The following CPQ variants were observed in gnomAD, a reference collection of about 807,000 sequenced individuals.
The protein encoded by CPQ is Ser-Met dipeptidase.
Under a neutral mutation model 45.7 loss-of-function variants are expected in CPQ, and 37 were observed. The ratio of observed to expected loss-of-function variants is 0.81; its 90% confidence interval spans 0.62 to 1.07. The LOEUF (loss-of-function observed/expected upper bound fraction) is 1.07. CPQ is among the 50% of genes least tolerant of loss of function. The pLI is 0.00. For missense variants in CPQ, 537 were observed against 572.9 expected (o/e 0.94, Z 0.64); for synonymous variants, 186 against 205.8 (o/e 0.90, Z 0.82).
At position 96,785,298 on chromosome 8, in the gene CPQ, G is replaced by T; in HGVS notation, c.401G>T (p.Gly134Val). ...AGAATTCATAAGATAGCCATCCTGG[G>T]TCTTGGCAGCAGCATTGGGACTCCT... ...EPRIHKIAIL[G>V]LGSSIGTPPE... The change falls in exon 2 of 8, where the codon GGT becomes GTT. Residue 134 changes from glycine to valine, a missense_variant. Physicochemically the swap from Gly to Val is moderately radical, Grantham distance 109. Coordinates refer to ENST00000220763, the MANE Select transcript of CPQ (RefSeq NM_016134.4). The T allele has an allele frequency of 6.2e-7, 1 of 1,611,144 alleles. No individual in the cohort carries two copies.
intron 2 of CPQ, among the ~76,000 whole-genome samples, chr8:96,831,465 A>G (rs1050962733): frequency 6.6e-6 from 1 of 152,144 alleles, no homozygotes; most frequent in Admixed American, 6.6e-5. Flanking sequence ...TTCATGAACT[A>G]TCTTTTGGAA....
intron 4 of CPQ, among the ~76,000 whole-genome samples, chr8:96,885,230 G>A (rs748692924): frequency 1.3e-5 from 2 of 152,090 alleles, no homozygotes; most frequent in Non-Finnish European, 2.9e-5. Context: ...AGAGCAGGAG[G>A]GGACCAAACT....
At chr8:97,005,618 T>C (rs968957910) in intron 5 of CPQ, among the ~76,000 whole-genome samples, 2 of 152,100 alleles carry the variant, frequency 1.3e-5, no homozygotes, top group Admixed American at 6.5e-5. Context: ...TACACTAACA[T>C]TTAAGAGCGT....
At chr8:96,862,284 TTGTGTGTGTGTGTGTGTG>T (rs34611818) in intron 3 of CPQ, among the ~76,000 whole-genome samples, 131 of 141,194 alleles carry the variant, frequency 9.3e-4, no homozygotes, top group African/African-American at 3.3e-3. Context: ...ATTTTTGCAT[TTGTGTGTGTGTGTGTGTG>T]TGTGTGTGTG....
intron 4 of CPQ, among the ~76,000 whole-genome samples, chr8:96,922,782 A>G (rs907757553): frequency 1.3e-5 from 2 of 152,132 alleles, no homozygotes; most frequent in African/African-American, 4.8e-5. Context: ...TCCATTTCCA[A>G]TGCAGAAACT....
intron 5 of CPQ, among the ~76,000 whole-genome samples, chr8:97,017,996 T>TGCC (rs1337008012): frequency 1.3e-5 from 2 of 152,100 alleles, no homozygotes; most frequent in Non-Finnish European, 2.9e-5. Flanking sequence ...TTCACCTCCT[T>TGCC]GCCGCCTCCA....
chr8:96,738,623 A>T (rs1339051563), intron 1 of CPQ, among the ~76,000 whole-genome samples: 1 of 151,734 alleles, frequency 6.6e-6, no homozygotes, highest in Non-Finnish European at 1.5e-5. Context: ...CCCCCAACCC[A>T]CAACAGTCCC....
At chr8:96,896,858 C>G (rs1563523475) in intron 4 of CPQ, among the ~76,000 whole-genome samples, 1 of 152,120 alleles carries the variant, frequency 6.6e-6, no homozygotes. Flanking sequence ...CCTTCTGCAC[C>G]AGCAGAAGCT....
intron 7 of CPQ, among the ~76,000 whole-genome samples, chr8:97,091,269 C>T (rs1319672139): frequency 6.6e-6 from 1 of 152,206 alleles, no homozygotes; most frequent in Non-Finnish European, 1.5e-5. Flanking sequence ...TTATATTTCT[C>T]AGAAGAGGGG....
chr8:97,127,116 T>A (rs1362679860), intron 7 of CPQ, among the ~76,000 whole-genome samples: 2 of 152,178 alleles, frequency 1.3e-5, no homozygotes, highest in Admixed American at 1.3e-4. Flanking sequence ...AGGTAAAGAT[T>A]TCTTAGATTA....
At position 96,766,842 on chromosome 8, in the gene CPQ, A is replaced by G. The variant is rs112444752; in HGVS notation, c.-34-18022A>G. On this transcript the variant is annotated intron_variant, in intron 1 of 7. Coordinates refer to ENST00000220763, the MANE Select transcript of CPQ (RefSeq NM_016134.4). ...CAGGCATTACTGATGCAGGGAAGCA[A>G]TGCAGAAAACTCCACGGCAAGCTGG... is the stretch of plus-strand genomic sequence containing the variant. Among the ~76,000 whole-genome samples, 295 of 152,258 alleles carry G rather than the reference A, an allele frequency of 1.9e-3. 1 individual carries two copies. Among genetic ancestry groups the G allele is most frequent in the African/African-American group, 6.1e-3 (253 of 41,542 alleles).
chr8:97,005,832 G>A (rs904490602), intron 5 of CPQ, among the ~76,000 whole-genome samples: 4 of 152,120 alleles, frequency 2.6e-5, no homozygotes, highest in Admixed American at 2.6e-4. Flanking sequence ...ATATCAGTTT[G>A]TAGTCGTTCA....
At chr8:96,897,232 T>C (rs1812454050) in intron 4 of CPQ, among the ~76,000 whole-genome samples, 1 of 152,200 alleles carries the variant, frequency 6.6e-6, no homozygotes, top group African/African-American at 2.4e-5. Flanking sequence ...TAACTAATTT[T>C]GAAAGATAAT....
intron 1 of CPQ, among the ~76,000 whole-genome samples, chr8:96,721,098 G>T (rs1044924531): frequency 1.3e-5 from 2 of 152,028 alleles, no homozygotes; most frequent in Non-Finnish European, 2.9e-5. Flanking sequence ...CCCACGTACA[G>T]CCCATCTCTC....
chr8:96,786,029 G>T (rs577426378), intron 2 of CPQ, among the ~76,000 whole-genome samples: 2 of 152,226 alleles, frequency 1.3e-5, no homozygotes, highest in Admixed American at 1.3e-4. Context: ...TATTTATTGA[G>T]ATATAATTCA....
chr8:97,123,121 A>C (rs192227127), intron 7 of CPQ, among the ~76,000 whole-genome samples: 1 of 127,276 alleles, frequency 7.9e-6, no homozygotes. Context: ...AAATAAAATA[A>C]AATAAATAAA....
intron 1 of CPQ, among the ~76,000 whole-genome samples, chr8:96,684,772 G>T (rs968376272): frequency 6.6e-6 from 1 of 152,112 alleles, no homozygotes; most frequent in African/African-American, 2.4e-5. Flanking sequence ...GGGGAGGTAC[G>T]AGCAACAGCA....
intron 2 of CPQ, among the ~76,000 whole-genome samples, chr8:96,792,417 C>T (rs1393177339): frequency 6.6e-6 from 1 of 152,200 alleles, no homozygotes; most frequent in African/African-American, 2.4e-5. Context: ...GGTTTATGGT[C>T]TCTGAGCCCA....
intron 2 of CPQ, among the ~76,000 whole-genome samples, chr8:96,786,812 G>T (rs772602010): frequency 6.6e-6 from 1 of 152,006 alleles, no homozygotes; most frequent in Non-Finnish European, 1.5e-5. Flanking sequence ...CTCGCCATTT[G>T]TTTATCTTCT....
Sources: gnomAD v4.1 joint callset for allele counts (sites outside exome capture counted in the v4.1 genomes callset) on GRCh38, gnomAD v4.1.1 for gene constraint, MANE v1.5 for transcripts, NCBI Gene and HGNC (gene_info 2026-07-23, HGNC 2026-07-21) for gene names.